GOSR2: variants seen among roughly 807,000 people sequenced by gnomAD.
GOSR2 encodes golgi SNAP receptor complex member 2, also known as 27 kDa Golgi SNARE protein.
A neutral mutation model predicts 27.9 loss-of-function variants in GOSR2; 20 were observed. That is an observed-to-expected ratio of 0.72 (90% CI 0.50 to 1.04). The LOEUF (loss-of-function observed/expected upper bound fraction) is 1.04, where lower values mean the gene tolerates loss of function less well. GOSR2 is among the 50% of genes least tolerant of loss of function. GOSR2 has a pLI of 0.00. For synonymous variants in GOSR2, 91 were observed against 98.8 expected (o/e 0.92, Z 0.47); for missense variants, 261 against 270.5 (o/e 0.97, Z 0.25).
chr17:46,969,872 C>T (rs1408934468), downstream of GOSR2, among the ~76,000 whole-genome samples: 1 of 152,186 alleles, frequency 6.6e-6, no homozygotes, highest in Non-Finnish European at 1.5e-5. Flanking sequence ...CCCCTTGCCC[C>T]CTCTCTGGTG....
intron 6 of GOSR2, chr17:46,965,061 C>T (rs927474724): frequency 2.6e-5 from 4 of 152,166 alleles, no homozygotes; most frequent in African/African-American, 7.2e-5. Context: ...TGTGATGGCC[C>T]AGACATGTAT....
At chr17:46,933,537 A>G (rs947894364) in intron 4 of GOSR2, 4 of 152,106 alleles carry the variant, frequency 2.6e-5, no homozygotes, top group African/African-American at 7.2e-5. Context: ...CCTGACGCCT[A>G]TCTGTGAGGA....
chr17:46,963,538 G>A (rs1193500964), intron 6 of GOSR2, among the ~76,000 whole-genome samples: 2 of 48,052 alleles, frequency 4.2e-5, no homozygotes, highest in East Asian at 7.3e-4. Context: ...AGTGAGGCTC[G>A]GTCTCAAAAA....
chr17:46,944,411 C>G (rs1158502422), downstream of GOSR2, among the ~76,000 whole-genome samples: 1 of 152,164 alleles, frequency 6.6e-6, no homozygotes, highest in Non-Finnish European at 1.5e-5. Context: ...TGTCCCACGT[C>G]CCTTTCTGGG....
intron 2 of GOSR2, chr17:46,930,783 T>TA: frequency 3.8e-6 from 1 of 262,346 alleles, no homozygotes; most frequent in Non-Finnish European, 7.3e-6. Flanking sequence ...AAATTTAGCT[T>TA]AAAGTATTTA....
chr17:46,946,293 A>AAG (rs1466929995), downstream of GOSR2, among the ~76,000 whole-genome samples: 1 of 64,620 alleles, frequency 1.5e-5, no homozygotes, highest in African/African-American at 4.0e-5. Context: ...AAAAAAAAAA[A>AAG]AAAAAAAAAG....
chr17:46,943,793 A>G (rs563635402), downstream of GOSR2, among the ~76,000 whole-genome samples: 9 of 152,370 alleles, frequency 5.9e-5, no homozygotes, highest in South Asian at 1.4e-3. Flanking sequence ...GTAAAAGAGG[A>G]GAGGCATGGG....
chr17:46,934,904 T>G, intron 4 of GOSR2, 125 bp from the exon 5 acceptor site: 3 of 830,586 alleles, frequency 3.6e-6, no homozygotes, highest in Non-Finnish European at 6.2e-6. Flanking sequence ...TCCATTAGGG[T>G]CCGCTGATTC....
rs548152029 is a variant in GOSR2 at position 46,923,443 on chromosome 17, C to A, written c.29+222C>A. ...GCCTGGAGACGTGGGGCAGATGACT[C>A]CTGGGGTCTGCAAGTTCGTGACTAC... On this transcript the variant is annotated intron_variant, in intron 1 of 5. Transcript: ENST00000640051. 266 of 1,415,562 alleles carry A rather than the reference C, an allele frequency of 1.9e-4. No individual in the cohort carries two copies. The African/African-American group carries it at 3.5e-3, about 19-fold the overall frequency. The allele number at this position is 1,415,562 out of a possible 1,614,324, so 87.7% of individuals were successfully genotyped here.
downstream of GOSR2, among the ~76,000 whole-genome samples, chr17:46,967,667 G>A (rs1012126730): frequency 3.3e-5 from 5 of 152,168 alleles, no homozygotes; most frequent in African/African-American, 9.7e-5. Context: ...CCGGTGCAGA[G>A]GGTTTAGGAC....
chr17:46,924,500 CT>C (rs2146727474), intron 1 of GOSR2: 1 of 152,310 alleles, frequency 6.6e-6, no homozygotes, highest in East Asian at 1.9e-4. Context: ...AACTTTCAAA[CT>C]TATGCTGTAG....
At chr17:46,959,769 C>T (rs1041865503) in intron 6 of GOSR2, among the ~76,000 whole-genome samples, 2 of 152,182 alleles carry the variant, frequency 1.3e-5, no homozygotes, top group Non-Finnish European at 2.9e-5. Flanking sequence ...AAACTTTTCC[C>T]TTCCCTTTTG....
At chr17:46,924,785 A>G (rs1357512282) in intron 1 of GOSR2, among the ~76,000 whole-genome samples, 1 of 152,254 alleles carries the variant, frequency 6.6e-6, no homozygotes, top group African/African-American at 2.4e-5. Flanking sequence ...ATTTAGAGAA[A>G]GAATGAAACG....
rs12944167 is a variant in GOSR2 at position 46,923,199 on chromosome 17, C to A, written c.7C>A (p.Pro3Thr). The stretch of plus-strand genomic sequence containing the variant: ...GGCCTGCGGGGCCGGCGACATGGAT[C>A]CCCTGTTCCAGCAAACGCACAAGTG... MD[P>T]LFQQTHKQVH... Residue 3 changes from proline to threonine, a missense_variant, in exon 1 of 6, where the codon CCC becomes ACC. Coordinates refer to ENST00000640051, the MANE Select transcript of GOSR2 (RefSeq NM_004287.5). The A allele has an allele frequency of 0.023, 35,574 of 1,546,906 alleles. 534 individuals are homozygous for A. Among genetic ancestry groups the A allele is most frequent in the South Asian group, 0.025 (2,113 of 83,944 alleles).
At chr17:46,930,959 C>T (rs1816853570) in intron 2 of GOSR2, 140 bp from the exon 3 acceptor site, 1 of 658,986 alleles carries the variant, frequency 1.5e-6, no homozygotes, top group Non-Finnish European at 2.7e-6. Context: ...TTCTGTTATT[C>T]ATTAGTGTAT....
chr17:46,927,595 C>T (rs935211984), intron 1 of GOSR2, among the ~76,000 whole-genome samples: 1 of 152,160 alleles, frequency 6.6e-6, no homozygotes, highest in Admixed American at 6.5e-5. Context: ...TTTTTCTGTA[C>T]GGGTAACAAA....
In GOSR2 at chr17:46,939,385, C is replaced by CT; in HGVS notation, c.*626dup. On this transcript the variant is annotated 3_prime_UTR_variant, in exon 6 of 6. Transcript: ENST00000640051. ...CCGATAACAAGTAAGATTTTCCACA[C>CT]TACAGCTGGGTGTTTCTCTTTTCTA... 1 of 998,776 alleles carries CT rather than the reference C, an allele frequency of 1.0e-6. No homozygotes were observed. The highest frequency in any genetic ancestry group is 1.2e-6 in the Non-Finnish European group (1 of 836,248). 61.9% of individuals were successfully genotyped at this position (998,776 alleles called of 1,614,324 possible).
Position 46,941,415 on chromosome 17 carries a change from T to C in GOSR2, c.*2655T>C, listed in dbSNP as rs1039618782. 1 of 978,554 alleles carries C rather than the reference T, an allele frequency of 1.0e-6. No homozygotes were observed. The highest frequency in any genetic ancestry group is 1.2e-6 in the Non-Finnish European group (1 of 823,706). 60.6% of individuals were successfully genotyped at this position (978,554 alleles called of 1,614,324 possible). On this transcript the variant is annotated 3_prime_UTR_variant, in exon 6 of 6. Coordinates refer to ENST00000640051, the MANE Select transcript of GOSR2 (RefSeq NM_004287.5). ...TTCATTTTTATAACTAATGGCCCCC[T>C]TTTTTTATGTTTCTAGGCCAGAGAT...
In GOSR2 at chr17:46,938,558, G is replaced by A. The variant is rs769115645; in HGVS notation, c.478-41G>A. 9.9e-6 allele frequency: 16 copies of A among 1,612,836 alleles called. No homozygotes were observed. The East Asian group carries it at 2.0e-4, about 20-fold the overall frequency. On this transcript the variant is annotated intron_variant, in intron 5 of 5. Transcript: ENST00000640051. ...GCCATTCACCCACTCTTGGTAAAGC[G>A]ACTTGATGTTTGTTTTTTTTTCTGT...
Sources: gnomAD v4.1 joint callset for allele counts (sites outside exome capture counted in the v4.1 genomes callset) on GRCh38, gnomAD v4.1.1 for gene constraint, MANE v1.5 for transcripts, NCBI Gene and HGNC (gene_info 2026-07-23, HGNC 2026-07-21) for gene names.